Variants in KIAA1549L observed in about 807,000 individuals in gnomAD.
KIAA1549L encodes the protein KIAA1549 like.
Under a neutral mutation model 160.7 loss-of-function variants are expected in KIAA1549L, and 88 were observed. The ratio of observed to expected loss-of-function variants is 0.55; its 90% confidence interval spans 0.46 to 0.65. The LOEUF is 0.65. KIAA1549L is among the 30% of genes least tolerant of loss of function. The pLI, the probability that KIAA1549L is intolerant of heterozygous loss-of-function variation, is 0.00. For synonymous variants in KIAA1549L, 950 were observed against 976.7 expected, an observed-to-expected ratio of 0.97 and a Z score of 0.51; for missense variants, 2,258 against 2,437.5, an observed-to-expected ratio of 0.93 and a Z score of 1.55.
chr11:33,643,156 G>A (rs544597443), intron 16 of KIAA1549L, among the ~76,000 whole-genome samples: 2 of 152,290 alleles, frequency 1.3e-5, no homozygotes, highest in South Asian at 4.1e-4. Flanking sequence ...GAAACCCTGT[G>A]GGGGAAGCAG....
At chr11:33,490,588 C>A (rs1468641424) in intron 1 of KIAA1549L, among the ~76,000 whole-genome samples, 1 of 152,094 alleles carries the variant, frequency 6.6e-6, no homozygotes, top group Admixed American at 6.6e-5. Context: ...CAGGCATGAG[C>A]TACTGTGCCT....
At chr11:33,478,375 G>T (rs1194101181) in intron 1 of KIAA1549L, among the ~76,000 whole-genome samples, 4 of 152,246 alleles carry the variant, frequency 2.6e-5, no homozygotes, top group African/African-American at 9.6e-5. Flanking sequence ...TTGCAGTTTT[G>T]TCTTGGGGAA....
intron 5 of KIAA1549L, among the ~76,000 whole-genome samples, chr11:33,551,644 T>A (rs1854467022): frequency 6.6e-6 from 1 of 152,002 alleles, no homozygotes. Context: ...AATCTCTGAG[T>A]TTAGGTCTTC....
intron 1 of KIAA1549L, among the ~76,000 whole-genome samples, chr11:33,473,424 A>C (rs888659125): frequency 6.6e-6 from 1 of 152,222 alleles, no homozygotes; most frequent in African/African-American, 2.4e-5. Flanking sequence ...GACAAGTCTT[A>C]GAGGTTGCAT....
At chr11:33,625,394 A>G (rs1303433070) in intron 16 of KIAA1549L, among the ~76,000 whole-genome samples, 6 of 152,172 alleles carry the variant, frequency 3.9e-5, no homozygotes, top group Admixed American at 6.5e-5. Flanking sequence ...AAGTGTTCCT[A>G]TTTCTCCATA....
chr11:33,582,463 C>A (rs774366504), intron 10 of KIAA1549L, among the ~76,000 whole-genome samples: 1 of 152,166 alleles, frequency 6.6e-6, no homozygotes, highest in Non-Finnish European at 1.5e-5. Flanking sequence ...ACCAGGCTTA[C>A]AAGAGTTTGA....
Position 33,384,209 on chromosome 11 carries a change from C to T in KIAA1549L, c.238+7320C>T, listed in dbSNP as rs560006551. Among the ~76,000 whole-genome samples the T allele has an allele frequency of 2.6e-4, 39 of 152,312 alleles. No homozygotes were observed. In the South Asian group the frequency reaches 2.9e-3, roughly 11 times the overall value. On this transcript the variant is annotated intron_variant, in intron 1 of 20. Coordinates refer to ENST00000658780, the MANE Select transcript of KIAA1549L (RefSeq NM_012194.3). Reference sequence around the variant, plus strand: ...TGTAGTTTTGCCTTTCCCAGAAGGTCGTAGAAATGGAATTGTACTGTATAT... The same window carrying T: ...TGTAGTTTTGCCTTTCCCAGAAGGTTGTAGAAATGGAATTGTACTGTATAT...
chr11:33,591,146 C>G, intron 11 of KIAA1549L, 91 bp from the exon 12 acceptor site: 1 of 856,134 alleles, frequency 1.2e-6, no homozygotes, highest in Non-Finnish European at 1.9e-6. Context: ...TAAGTTTGGT[C>G]CCATCTTTTT....
chr11:33,492,278 G>T (rs909683153), intron 1 of KIAA1549L, among the ~76,000 whole-genome samples: 2 of 152,162 alleles, frequency 1.3e-5, no homozygotes, highest in Non-Finnish European at 2.9e-5. Context: ...TGAGGCAGGA[G>T]AATCACTTGA....
intron 17 of KIAA1549L, 138 bp from the exon 18 acceptor site, chr11:33,655,874 A>C: frequency 1.5e-6 from 1 of 645,572 alleles, no homozygotes. Context: ...ATGTGAGGGA[A>C]GATCTTAGAA....
chr11:33,466,444 C>A (rs895841340), intron 1 of KIAA1549L, among the ~76,000 whole-genome samples: 2 of 152,084 alleles, frequency 1.3e-5, no homozygotes, highest in Non-Finnish European at 2.9e-5. Flanking sequence ...GTTAGAATGG[C>A]GATCATTAAA....
At chr11:33,411,656 T>G (rs1172063044) in intron 1 of KIAA1549L, among the ~76,000 whole-genome samples, 2 of 152,242 alleles carry the variant, frequency 1.3e-5, no homozygotes, top group Non-Finnish European at 2.9e-5. Context: ...GTAGGTAGCT[T>G]TTTAAATGAC....
intron 1 of KIAA1549L, among the ~76,000 whole-genome samples, chr11:33,447,473 T>C (rs1213691281): frequency 4.5e-5 from 6 of 133,864 alleles, no homozygotes; most frequent in South Asian, 2.6e-4. Context: ...CATCCATCCA[T>C]CCACCCACCC....
intron 1 of KIAA1549L, chr11:33,403,163 C>T (rs1850536887): frequency 1.4e-5 from 2 of 146,252 alleles, no homozygotes; most frequent in South Asian, 4.4e-4. Flanking sequence ...CATTTTGACC[C>T]AGCATGCGTG....
At chr11:33,531,871 G>A (rs1406213424) in intron 1 of KIAA1549L, among the ~76,000 whole-genome samples, 1 of 152,180 alleles carries the variant, frequency 6.6e-6, no homozygotes, top group Non-Finnish European at 1.5e-5. Context: ...AGCCTGACGG[G>A]TCTTGGTGAT....
intron 10 of KIAA1549L, among the ~76,000 whole-genome samples, chr11:33,576,551 G>A (rs1157564480): frequency 6.6e-6 from 1 of 152,170 alleles, no homozygotes; most frequent in African/African-American, 2.4e-5. Context: ...CTCTCCAGGT[G>A]AGGAATAAAT....
At chr11:33,631,311 A>C (rs1167848555) in intron 16 of KIAA1549L, among the ~76,000 whole-genome samples, 9 of 152,124 alleles carry the variant, frequency 5.9e-5, no homozygotes, top group Admixed American at 5.9e-4. Context: ...CCTTGGCTCC[A>C]GCCTGAACAC....
intron 2 of KIAA1549L, 116 bp from the exon 3 acceptor site, chr11:33,544,651 C>A: frequency 1.5e-6 from 2 of 1,358,404 alleles, no homozygotes; most frequent in African/African-American, 1.5e-5. Flanking sequence ...CCACTGCAAG[C>A]CCAGATTGCA....
rs532317602 is a variant in KIAA1549L at position 33,668,167 on chromosome 11, G to T, written c.*13G>T. ...GTTCCAGGTCTAACGCCTTAGCCCC[G>T]TGGGACTCTGGACTTCCAAACTCTG... is the stretch of plus-strand genomic sequence containing the variant. On this transcript the variant is annotated 3_prime_UTR_variant, in exon 21 of 21. Transcript: ENST00000658780. The T allele has an allele frequency of 4.4e-6, 7 of 1,606,508 alleles. No individual in the cohort carries two copies. The highest frequency in any genetic ancestry group is 6.0e-6 in the Non-Finnish European group (7 of 1,175,854).
Sources: allele counts gnomAD v4.1 joint callset (sites outside exome capture counted in the v4.1 genomes callset), GRCh38; gene constraint gnomAD v4.1.1; transcripts MANE v1.5; gene names NCBI Gene and HGNC (gene_info 2026-07-23, HGNC 2026-07-21).